Variants in LPP observed in about 807,000 individuals in gnomAD.
The protein encoded by LPP is lipoma-preferred partner.
A neutral mutation model predicts 60.4 loss-of-function variants in LPP; 38 were observed. That is an observed-to-expected ratio of 0.63 (90% confidence interval 0.49 to 0.83). The LOEUF (loss-of-function observed/expected upper bound fraction) is 0.83. Ranked by LOEUF, LPP falls within the 40% of genes least tolerant of loss-of-function variation. The pLI, the probability that LPP is intolerant of heterozygous loss-of-function variation, is 0.00. For missense variants in LPP, 902 were observed against 783.6 expected, an observed-to-expected ratio of 1.15 and a Z score of -1.80; for synonymous variants, 328 against 290.8, an observed-to-expected ratio of 1.13 and a Z score of -1.30.
intron 4 of LPP, among the ~76,000 whole-genome samples, 169 bp downstream of exon 4, chr3:188,406,482 G>A (rs1328430418): frequency 6.6e-6 from 1 of 152,156 alleles, no homozygotes; most frequent in East Asian, 1.9e-4. Context: ...GACCAACCCC[G>A]TCTTTTAGGA....
At chr3:188,174,492 G>T (rs1287808076) in intron 1 of LPP, among the ~76,000 whole-genome samples, 1 of 152,248 alleles carries the variant, frequency 6.6e-6, no homozygotes, top group Non-Finnish European at 1.5e-5. Context: ...GGCACAGCAT[G>T]CTGGGTGAGG....
chr3:188,660,018 G>A (rs1330152156), intron 7 of LPP, among the ~76,000 whole-genome samples: 4 of 152,036 alleles, frequency 2.6e-5, no homozygotes, highest in African/African-American at 7.2e-5. Context: ...GCGTAAGCAC[G>A]AGAGAATAAA....
chr3:188,371,013 C>T (rs1029826519), intron 3 of LPP, among the ~76,000 whole-genome samples: 10 of 152,160 alleles, frequency 6.6e-5, no homozygotes, highest in Middle Eastern at 3.4e-3. Context: ...GTCACACCCA[C>T]GGAAATTGGG....
chr3:188,410,328 A>G (rs1223690418), intron 4 of LPP, among the ~76,000 whole-genome samples: 1 of 152,202 alleles, frequency 6.6e-6, no homozygotes, highest in African/African-American at 2.4e-5. Flanking sequence ...CCATTCTTTG[A>G]ACTTACATTT....
In LPP at chr3:188,609,988, C is replaced by A; in HGVS notation, c.1113+144C>A. ...CAATCCCAGGGAAGGATGAGTGAAG[C>A]CAGAGAGGAGAGAGAGACTACTTAG... On this transcript the variant is annotated intron_variant, in intron 7 of 11. Coordinates refer to ENST00000617246, the MANE Select transcript of LPP (RefSeq NM_001375462.1). This position sits in a 1 kb window ranked among gnomAD's most constrained non-coding sequence, Gnocchi z 6.9. 1 of 785,168 alleles carries A rather than the reference C, an allele frequency of 1.3e-6. No homozygotes were observed. The highest frequency in any genetic ancestry group is 2.0e-6 in the Non-Finnish European group (1 of 502,596). The allele number at this position is 785,168 out of a possible 1,614,324, so 48.6% of individuals were successfully genotyped here.
intron 4 of LPP, among the ~76,000 whole-genome samples, chr3:188,462,678 A>C (rs1041687429): frequency 2.1e-5 from 3 of 145,156 alleles, no homozygotes; most frequent in African/African-American, 7.6e-5. Context: ...CCAATTTAGA[A>C]GCATATAAAA....
chr3:188,665,528 C>T (rs1180143405), intron 7 of LPP, among the ~76,000 whole-genome samples: 2 of 147,112 alleles, frequency 1.4e-5, no homozygotes, highest in South Asian at 2.1e-4. Flanking sequence ...GGTACAATCT[C>T]GGCTCACTGC....
chr3:188,488,614 T>A (rs1234430675), intron 5 of LPP, among the ~76,000 whole-genome samples: 1 of 144,270 alleles, frequency 6.9e-6, no homozygotes, highest in African/African-American at 2.5e-5. Flanking sequence ...CTTGGGACGG[T>A]CAGTTAGTTT....
intron 8 of LPP, chr3:188,725,371 C>T (rs370505373): frequency 4.6e-5 from 7 of 152,178 alleles, no homozygotes; most frequent in East Asian, 3.9e-4. Context: ...ACAGCATTCT[C>T]GCTGACGCAT....
intron 3 of LPP, among the ~76,000 whole-genome samples, chr3:188,405,552 C>T (rs1270751663): frequency 6.6e-6 from 1 of 152,060 alleles, no homozygotes; most frequent in Non-Finnish European, 1.5e-5. Context: ...TGTATATCAC[C>T]TCATCAATAA....
At chr3:188,282,672 C>T (rs1742522731) in intron 2 of LPP, among the ~76,000 whole-genome samples, 1 of 152,170 alleles carries the variant, frequency 6.6e-6, no homozygotes, top group South Asian at 2.1e-4. Flanking sequence ...ACCCCATGTT[C>T]ATATTCTTCA....
In LPP at chr3:188,502,362, C is replaced by T. The variant is rs185312168; in HGVS notation, c.306+17658C>T. Among the ~76,000 whole-genome samples, 49 of 152,038 alleles carry T rather than the reference C, an allele frequency of 3.2e-4. No individual in the cohort carries two copies. The East Asian group carries it at 8.1e-3, about 25-fold the overall frequency. On this transcript the variant is annotated intron_variant, in intron 5 of 11. Coordinates refer to ENST00000617246, the MANE Select transcript of LPP (RefSeq NM_001375462.1). Reference sequence around the variant, plus strand: ...TTGAGCCTCTTATTAATATAATGTTCTTCATCTCTTTTTTGTCTTTTAGCC... The same window carrying T: ...TTGAGCCTCTTATTAATATAATGTTTTTCATCTCTTTTTTGTCTTTTAGCC...
intron 3 of LPP, among the ~76,000 whole-genome samples, chr3:188,354,843 A>ACACACG (rs1264562102): frequency 3.9e-5 from 6 of 151,974 alleles, no homozygotes; most frequent in African/African-American, 1.2e-4. Flanking sequence ...ACAGACACAC[A>ACACACG]CACACAGGGA....
At chr3:188,416,757 CA>C (rs1394194310) in intron 4 of LPP, among the ~76,000 whole-genome samples, 5 of 152,014 alleles carry the variant, frequency 3.3e-5, no homozygotes, top group African/African-American at 1.2e-4. Flanking sequence ...CAAACAACAA[CA>C]AAAAAATGGA....
chr3:188,776,368 A>T (rs1189260115), intron 9 of LPP, among the ~76,000 whole-genome samples: 3 of 152,204 alleles, frequency 2.0e-5, no homozygotes, highest in African/African-American at 7.2e-5. Context: ...TTTTATGTTG[A>T]ATTCCATTAT....
rs11380757 is a variant in LPP at position 188,273,589 on chromosome 3, C to CTTTTTTT, written c.-67+48079_-67+48085dup. Among the ~76,000 whole-genome samples the CTTTTTTT allele has an allele frequency of 1.7e-3, 135 of 80,414 alleles. 1 individual carries two copies. Among genetic ancestry groups the CTTTTTTT allele is most frequent in the Non-Finnish European group, 2.1e-3 (93 of 45,156 alleles). The allele number at this position is 80,414 out of a possible 152,430, so 52.8% of individuals were successfully genotyped here. A position where few individuals can be genotyped will look rare whatever the true frequency, so the allele number is the denominator to read the frequency against. Reference sequence around the variant, plus strand: ...CCACCTTGACTTGGCTATTTTATATCTTTTTTTTTTTTTTTTTTTTTTTGA... The same window carrying CTTTTTTT: ...CCACCTTGACTTGGCTATTTTATATCTTTTTTTTTTTTTTTTTTTTTTTTTTTTTTGA... On this transcript the variant is annotated intron_variant, in intron 2 of 11. Coordinates refer to ENST00000617246, the MANE Select transcript of LPP (RefSeq NM_001375462.1).
intron 4 of LPP, among the ~76,000 whole-genome samples, chr3:188,424,506 C>T (rs1009011832): frequency 3.9e-5 from 6 of 152,018 alleles, no homozygotes; most frequent in African/African-American, 1.5e-4. Context: ...TCAATGCTAG[C>T]TTGATGGGGA....
intron 8 of LPP, among the ~76,000 whole-genome samples, chr3:188,728,200 T>C (rs1200323859): frequency 6.6e-6 from 1 of 152,158 alleles, no homozygotes. Context: ...AAAATTTAGC[T>C]GATGGAGTGT....
At chr3:188,588,887 C>T (rs1018373549) in intron 6 of LPP, among the ~76,000 whole-genome samples, 1 of 152,116 alleles carries the variant, frequency 6.6e-6, no homozygotes, top group African/African-American at 2.4e-5. Flanking sequence ...GAGCCACCCT[C>T]TGCTTGCCAG....
Sources: gnomAD v4.1 joint callset for allele counts (sites outside exome capture counted in the v4.1 genomes callset) on GRCh38, gnomAD v4.1.1 for gene constraint, Gnocchi (gnomAD v3.1) non-coding constraint, MANE v1.5 for transcripts, NCBI Gene and HGNC (gene_info 2026-07-23, HGNC 2026-07-21) for gene names.